KCNN2: variants seen among roughly 807,000 people sequenced by gnomAD.
The protein encoded by KCNN2 is potassium calcium-activated channel subfamily N member 2, also known as small conductance calcium-activated potassium channel protein 2.
In KCNN2, 24 loss-of-function variants were observed where a neutral mutation model predicts 55.5. That is an observed-to-expected ratio of 0.43 (90% CI 0.31 to 0.61). The LOEUF (loss-of-function observed/expected upper bound fraction) is 0.61. Among genes scored for constraint, KCNN2 ranks in the 20% least tolerant of loss-of-function variants. The probability of loss-of-function intolerance (pLI) is 0.08; values close to 1 mark genes in which losing one functional copy is unlikely to be tolerated. For synonymous variants in KCNN2, 431 were observed against 336.1 expected, an observed-to-expected ratio of 1.28 and a Z score of -3.09; for missense variants, 754 against 853.6, an observed-to-expected ratio of 0.88 and a Z score of 1.45.
chr5:114,422,337 A>G (rs556452549), intron 3 of KCNN2, among the ~76,000 whole-genome samples: 35 of 152,214 alleles, frequency 2.3e-4, no homozygotes, highest in African/African-American at 7.5e-4. Context: ...TAGTGTTCTT[A>G]TAAAAAGAGA....
intron 1 of KCNN2, among the ~76,000 whole-genome samples, chr5:114,193,020 G>A (rs1410615625): frequency 6.6e-6 from 1 of 152,052 alleles, no homozygotes; most frequent in Non-Finnish European, 1.5e-5. Context: ...ACACAAAAAG[G>A]CTACAAATTT....
At chr5:114,303,138 T>C (rs1756201306) in intron 2 of KCNN2, among the ~76,000 whole-genome samples, 1 of 152,244 alleles carries the variant, frequency 6.6e-6, no homozygotes. Flanking sequence ...CAGGGATAAA[T>C]ATACGTCTTG....
At chr5:114,270,845 C>A (rs887351558) in intron 2 of KCNN2, among the ~76,000 whole-genome samples, 1 of 152,166 alleles carries the variant, frequency 6.6e-6, no homozygotes, top group Non-Finnish European at 1.5e-5. Context: ...GCAGTTTGTT[C>A]TTTCAGATGT....
At chr5:114,358,943 A>T (rs1036451049), upstream of KCNN2, among the ~76,000 whole-genome samples, 2 of 152,262 alleles carry the variant, frequency 1.3e-5, no homozygotes, top group African/African-American at 2.4e-5. Flanking sequence ...ATAACCTAAT[A>T]GTGTAAAATG....
At chr5:114,186,814 G>A (rs1753343329) in intron 1 of KCNN2, among the ~76,000 whole-genome samples, 1 of 152,156 alleles carries the variant, frequency 6.6e-6, no homozygotes, top group East Asian at 1.9e-4. Flanking sequence ...TCAGGAAGAT[G>A]TTAAATACCC....
intron 1 of KCNN2, among the ~76,000 whole-genome samples, chr5:114,116,437 CT>C (rs1751709735): frequency 6.6e-6 from 1 of 151,998 alleles, no homozygotes; most frequent in Admixed American, 6.6e-5. Flanking sequence ...TTTCTTGCTC[CT>C]TATTAACATT....
intron 2 of KCNN2, among the ~76,000 whole-genome samples, chr5:114,308,424 A>G (rs1756332761): frequency 6.6e-6 from 1 of 152,226 alleles, no homozygotes; most frequent in Non-Finnish European, 1.5e-5. Context: ...GAGACTATAC[A>G]ATATTGCATT....
intron 2 of KCNN2, among the ~76,000 whole-genome samples, chr5:114,247,257 A>G (rs1192017955): frequency 6.6e-6 from 1 of 151,202 alleles, no homozygotes; most frequent in Non-Finnish European, 1.5e-5. Flanking sequence ...GGCTAAATGA[A>G]TAAGAGATAT....
chr5:114,217,080 G>T (rs1754021144), intron 1 of KCNN2, among the ~76,000 whole-genome samples: 1 of 152,042 alleles, frequency 6.6e-6, no homozygotes, highest in African/African-American at 2.4e-5. Flanking sequence ...TATGAGGAAA[G>T]CTACAAAACT....
intron 1 of KCNN2, among the ~76,000 whole-genome samples, chr5:114,187,390 G>C (rs1753355636): frequency 6.6e-6 from 1 of 151,974 alleles, no homozygotes; most frequent in Non-Finnish European, 1.5e-5. Context: ...TTCCTGAAAG[G>C]AGAGAAAAAT....
Position 114,340,131 on chromosome 5 carries a change from T to G in KCNN2, c.-184-20814T>G, listed in dbSNP as rs373835827. On this transcript the variant is annotated intron_variant, in intron 2 of 10. Coordinates refer to the KCNN2 transcript ENST00000512097. ...GTTTAAAAATAAAGTAGGAGTCAAT[T>G]TTTTTTGCCAAAAAGATTAAAAATT... Among the ~76,000 whole-genome samples, 9 of 152,210 alleles carry G rather than the reference T, an allele frequency of 5.9e-5. No individual in the cohort carries two copies. The East Asian group carries it at 1.7e-3, about 29-fold the overall frequency.
intron 3 of KCNN2, among the ~76,000 whole-genome samples, chr5:114,446,367 G>A (rs1158077613): frequency 1.3e-5 from 2 of 152,206 alleles, no homozygotes; most frequent in African/African-American, 4.8e-5. Context: ...TGTTATGAAA[G>A]CATTTATATA....
At chr5:114,090,039 A>G (rs1751103226) in intron 1 of KCNN2, among the ~76,000 whole-genome samples, 2 of 152,254 alleles carry the variant, frequency 1.3e-5, no homozygotes. Flanking sequence ...GCAAGCTTGA[A>G]TCAATGGATA....
intron 2 of KCNN2, among the ~76,000 whole-genome samples, chr5:114,307,780 A>G (rs750564056): frequency 5.3e-5 from 8 of 152,150 alleles, no homozygotes; most frequent in Non-Finnish European, 1.2e-4. Flanking sequence ...CAGTTTTAGC[A>G]TCTCCACCTT....
intron 1 of KCNN2, among the ~76,000 whole-genome samples, chr5:114,085,234 A>C (rs1325657003): frequency 6.6e-6 from 1 of 151,782 alleles, no homozygotes; most frequent in Non-Finnish European, 1.5e-5. Flanking sequence ...CTTTAGCATC[A>C]GTTTATTGAT....
rs2150145934 is a variant in KCNN2, at chr5:114,496,423, T to G, written c.*241T>G. On this transcript the variant is annotated 3_prime_UTR_variant, in exon 8 of 8. Transcript: ENST00000673685. ...TTGTTCCTCCTGTAATTTCACTAACTTTTTATTCATGCACTTCAAACAAAC... is the reference window on the plus strand; with the variant it reads ...TTGTTCCTCCTGTAATTTCACTAACGTTTTATTCATGCACTTCAAACAAAC... 2.4e-6 allele frequency: 1 copy of G among 423,478 alleles called. No homozygotes were observed. Among genetic ancestry groups the G allele is most frequent in the African/African-American group, 2.0e-5 (1 of 50,556 alleles). 26.2% of individuals were successfully genotyped at this position (423,478 alleles called of 1,614,324 possible).
At chr5:114,068,468 G>C (rs965491843) in intron 1 of KCNN2, among the ~76,000 whole-genome samples, 2 of 152,118 alleles carry the variant, frequency 1.3e-5, no homozygotes, top group African/African-American at 2.4e-5. Context: ...TCTACACCTT[G>C]GCCTCACATT....
chr5:114,280,325 T>A (rs1299104827), intron 2 of KCNN2, among the ~76,000 whole-genome samples: 1 of 152,194 alleles, frequency 6.6e-6, no homozygotes, highest in Non-Finnish European at 1.5e-5. Context: ...TTTGTCAATT[T>A]TGGCTTTTGT....
intron 2 of KCNN2, among the ~76,000 whole-genome samples, chr5:114,272,301 A>G (rs1401465875): frequency 2.0e-5 from 3 of 149,916 alleles, no homozygotes; most frequent in African/African-American, 7.6e-5. Flanking sequence ...ATGTATGTAC[A>G]TATCACACAC....
Sources: gnomAD v4.1 joint callset for allele counts (sites outside exome capture counted in the v4.1 genomes callset) on GRCh38, gnomAD v4.1.1 for gene constraint, MANE v1.5 for transcripts, NCBI Gene and HGNC (gene_info 2026-07-23, HGNC 2026-07-21) for gene names.